Variants in AKAP7 observed in about 807,000 individuals in gnomAD.
AKAP7 encodes A kinase (PRKA) anchor protein 7.
Under a neutral mutation model 39.5 loss-of-function variants are expected in AKAP7, and 39 were observed. The observed-to-expected ratio is 0.99, with a 90% CI of 0.76 to 1.29. The LOEUF (loss-of-function observed/expected upper bound fraction) is 1.29, where lower values mean the gene tolerates loss of function less well. Ranked by LOEUF, AKAP7 falls within the 50% of genes most tolerant of loss-of-function variation. The pLI is 0.00. For synonymous variants in AKAP7, 140 were observed against 139.1 expected (o/e 1.01, Z -0.05); for missense variants, 414 against 407.7 (o/e 1.02, Z -0.13).
At chr6:131,154,488 TTTAA>T (rs1802241682) in intron 2 of AKAP7, among the ~76,000 whole-genome samples, 1 of 149,974 alleles carries the variant, frequency 6.7e-6, no homozygotes, top group Non-Finnish European at 1.5e-5. Context: ...TTTTTTTTTT[TTTAA>T]TGTTGCATTG....
intron 7 of AKAP7, among the ~76,000 whole-genome samples, chr6:131,268,699 A>C (rs191727547): frequency 7.4e-4 from 113 of 152,350 alleles, no homozygotes; most frequent in African/African-American, 2.6e-3. Context: ...ATTTCTGCTC[A>C]TATCAATTCC....
At chr6:131,234,615 T>C (rs1810887618) in intron 7 of AKAP7, among the ~76,000 whole-genome samples, 2 of 152,092 alleles carry the variant, frequency 1.3e-5, no homozygotes. Flanking sequence ...TTTTTTTTTT[T>C]TCACTTTTAA....
chr6:131,165,062 T>C lies in AKAP7; in HGVS notation c.292-19T>C. 6.6e-7 allele frequency: 1 copy of C among 1,517,326 alleles called. No homozygotes were observed. The highest frequency in any genetic ancestry group is 2.4e-5 in the East Asian group (1 of 42,016). The allele number at this position is 1,517,326 out of a possible 1,614,324, so 94.0% of individuals were successfully genotyped here. The stretch of plus-strand genomic sequence containing the variant: ...CCTAATCACTGGAATTTTTTTTATA[T>C]GTGTGTATGTGTTATTAGATTATAA... On this transcript the variant is annotated intron_variant, in intron 3 of 7. Coordinates refer to ENST00000431975, the MANE Select transcript of AKAP7 (RefSeq NM_016377.4).
At chr6:131,127,157 T>G in the AKAP7 span, among the ~76,000 whole-genome samples, 1 of 152,142 alleles carries the variant, frequency 6.6e-6, no homozygotes, top group South Asian at 2.1e-4. Context: ...GCGATTTTCC[T>G]GCCTTAGCCT....
chr6:131,197,784 G>T (rs1339070515), intron 5 of AKAP7, among the ~76,000 whole-genome samples: 3 of 152,100 alleles, frequency 2.0e-5, no homozygotes, highest in Non-Finnish European at 4.4e-5. Flanking sequence ...ACCAGGCCGT[G>T]GGGGCTACGA....
rs34209339 is a variant in AKAP7 at position 131,143,745 on chromosome 6, T to TTATTTTTTA, written c.20-1539_20-1538insATTTTTTAT. ...CCATGTTGTAGCCATATTCTTTTTT[T>TTATTTTTTA]TTTTTTATTTTTTATTTTTTATTTT... is the stretch of plus-strand genomic sequence containing the variant. On this transcript the variant is annotated intron_variant, in intron 1 of 7. Coordinates refer to ENST00000431975, the MANE Select transcript of AKAP7 (RefSeq NM_016377.4). Among the ~76,000 whole-genome samples, 633 of 143,592 alleles carry TTATTTTTTA rather than the reference T, an allele frequency of 4.4e-3. 8 individuals are homozygous for TTATTTTTTA. The highest frequency in any genetic ancestry group is 0.016 in the African/African-American group (602 of 37,830). 94.2% of individuals were successfully genotyped at this position (143,592 alleles called of 152,430 possible).
intron 3 of AKAP7, among the ~76,000 whole-genome samples, chr6:131,163,024 T>C (rs1803143737): frequency 6.6e-6 from 1 of 152,112 alleles, no homozygotes; most frequent in South Asian, 2.1e-4. Flanking sequence ...CTCTCTCTGC[T>C]GCTGTTTCAT....
chr6:131,176,161 A>G (rs1804555016), intron 5 of AKAP7, among the ~76,000 whole-genome samples: 1 of 152,188 alleles, frequency 6.6e-6, no homozygotes, highest in African/African-American at 2.4e-5. Flanking sequence ...AAAGAGACCA[A>G]GCCCTTCTTT....
chr6:131,192,583 T>A (rs1024320685), intron 5 of AKAP7, among the ~76,000 whole-genome samples: 9 of 152,200 alleles, frequency 5.9e-5, no homozygotes, highest in Admixed American at 2.6e-4. Context: ...TGTGATTCCA[T>A]GTGAATTTTA....
intron 7 of AKAP7, among the ~76,000 whole-genome samples, chr6:131,222,149 G>A (rs756146169): frequency 2.0e-5 from 3 of 152,220 alleles, no homozygotes; most frequent in Non-Finnish European, 2.9e-5. Context: ...GAGTTTGGAA[G>A]AAGTTGATTC....
intron 1 of AKAP7, among the ~76,000 whole-genome samples, chr6:131,136,241 C>T (rs950496636): frequency 1.3e-5 from 2 of 151,978 alleles, no homozygotes; most frequent in African/African-American, 4.8e-5. Flanking sequence ...TGGACATGAC[C>T]GCTTTTAAAA....
intron 6 of AKAP7, among the ~76,000 whole-genome samples, chr6:131,203,480 T>C (rs926599866): frequency 6.6e-6 from 1 of 152,176 alleles, no homozygotes; most frequent in African/African-American, 2.4e-5. Flanking sequence ...TGTTAGGAGA[T>C]TGGACTCATT....
intron 1 of AKAP7, among the ~76,000 whole-genome samples, chr6:131,139,158 C>T (rs1800817974): frequency 6.6e-6 from 1 of 152,216 alleles, no homozygotes; most frequent in South Asian, 2.1e-4. Flanking sequence ...TTTGCCCAAA[C>T]ACTAGAGCTT....
intron 6 of AKAP7, among the ~76,000 whole-genome samples, chr6:131,209,180 T>A (rs9492863): frequency 0.027 from 4,120 of 152,316 alleles, 126 homozygotes; most frequent in African/African-American, 0.074. Flanking sequence ...GTGATTTTTT[T>A]TTTTGTTAAA....
chr6:131,192,905 G>A (rs1806559371), intron 5 of AKAP7, among the ~76,000 whole-genome samples: 2 of 152,078 alleles, frequency 1.3e-5, no homozygotes. Flanking sequence ...ATATAGAAAT[G>A]CTACTGACTT....
At chr6:131,163,005 GCT>G (rs3836925) in intron 3 of AKAP7, among the ~76,000 whole-genome samples, 43 of 149,722 alleles carry the variant, frequency 2.9e-4, no homozygotes, top group Admixed American at 3.3e-4. Flanking sequence ...TTTCGCTCTC[GCT>G]CTCTCTCTCT....
intron 2 of AKAP7, among the ~76,000 whole-genome samples, chr6:131,156,241 G>C (rs1309544110): frequency 6.6e-6 from 1 of 152,102 alleles, no homozygotes; most frequent in East Asian, 1.9e-4. Flanking sequence ...GAAATATAAG[G>C]GGATGGATGC....
chr6:131,222,371 A>G (rs1010136695), intron 7 of AKAP7, among the ~76,000 whole-genome samples: 2 of 152,064 alleles, frequency 1.3e-5, no homozygotes, highest in Non-Finnish European at 2.9e-5. Flanking sequence ...TAAAAATGCA[A>G]AAAATACTAG....
chr6:131,266,181 C>A (rs1162030570), intron 7 of AKAP7, among the ~76,000 whole-genome samples: 1 of 152,170 alleles, frequency 6.6e-6, no homozygotes, highest in Non-Finnish European at 1.5e-5. Context: ...CCTCCTCCTT[C>A]TAATCATCGC....
Sources: allele counts gnomAD v4.1 joint callset (sites outside exome capture counted in the v4.1 genomes callset), GRCh38; gene constraint gnomAD v4.1.1; transcripts MANE v1.5; gene names NCBI Gene and HGNC (gene_info 2026-07-23, HGNC 2026-07-21).